C1QTNF3: variants seen among roughly 807,000 people sequenced by gnomAD.
C1QTNF3 encodes complement C1q tumor necrosis factor-related protein 3.
In C1QTNF3, 26 loss-of-function variants were observed where a neutral mutation model predicts 32.6. The ratio of observed to expected loss-of-function variants is 0.80; its 90% CI spans 0.58 to 1.11. The LOEUF (loss-of-function observed/expected upper bound fraction) is 1.11. C1QTNF3 is among the 50% of genes least tolerant of loss of function. The pLI is 0.00. For missense variants in C1QTNF3, 362 were observed against 398.2 expected, an observed-to-expected ratio of 0.91 and a Z score of 0.77; for synonymous variants, 155 against 146.0, an observed-to-expected ratio of 1.06 and a Z score of -0.44.
At chr5:34,225,884 A>G in the C1QTNF3 span, among the ~76,000 whole-genome samples, 1 of 151,860 alleles carries the variant, frequency 6.6e-6, no homozygotes, top group Non-Finnish European at 1.5e-5. Context: ...TTGTTGATTT[A>G]ATATGCTCAT....
chr5:34,024,612 G>C (rs910601627), intron 4 of C1QTNF3, among the ~76,000 whole-genome samples: 1 of 152,176 alleles, frequency 6.6e-6, no homozygotes, highest in African/African-American at 2.4e-5. Context: ...CTCAGCAACA[G>C]GACCTTGTCA....
At chr5:34,029,492 G>T (rs1754558851) in intron 3 of C1QTNF3, among the ~76,000 whole-genome samples, 1 of 152,038 alleles carries the variant, frequency 6.6e-6, no homozygotes, top group South Asian at 2.1e-4. Context: ...AATTCTTGAT[G>T]CTGATCTAAA....
At chr5:34,138,039 A>T in the C1QTNF3 span, among the ~76,000 whole-genome samples, 1 of 152,216 alleles carries the variant, frequency 6.6e-6, no homozygotes, top group Non-Finnish European at 1.5e-5. Flanking sequence ...ACACCAGACA[A>T]ATGCACACAC....
chr5:34,241,809 T>C, the C1QTNF3 span, among the ~76,000 whole-genome samples: 1 of 151,994 alleles, frequency 6.6e-6, no homozygotes, highest in East Asian at 1.9e-4. Flanking sequence ...CCCTGACGGC[T>C]TGAGGCCAGG....
the C1QTNF3 span, among the ~76,000 whole-genome samples, chr5:34,132,351 C>G: frequency 6.6e-6 from 1 of 151,624 alleles, no homozygotes; most frequent in Non-Finnish European, 1.5e-5. Flanking sequence ...TGCCACTGCA[C>G]TCCAGCCTGG....
At chr5:34,172,962 AT>A in the C1QTNF3 span, among the ~76,000 whole-genome samples, 1 of 152,156 alleles carries the variant, frequency 6.6e-6, no homozygotes, top group Non-Finnish European at 1.5e-5. Flanking sequence ...CTTCTGTAGG[AT>A]AGATTCTTTT....
At chr5:34,236,400 A>G in the C1QTNF3 span, among the ~76,000 whole-genome samples, 1 of 148,242 alleles carries the variant, frequency 6.7e-6, no homozygotes, top group African/African-American at 2.4e-5. Context: ...CAAAAAAAAA[A>G]GAAGAAGAAA....
the C1QTNF3 span, among the ~76,000 whole-genome samples, chr5:34,056,137 A>C: frequency 6.6e-6 from 1 of 152,254 alleles, no homozygotes; most frequent in South Asian, 2.1e-4. Context: ...TTCGCAGAAA[A>C]GGTCCTCTGC....
At position 34,020,448 on chromosome 5, in the gene C1QTNF3, T is replaced by C; in HGVS notation, c.*135A>G. On this transcript the variant is annotated 3_prime_UTR_variant, in exon 6 of 6. Transcript: ENST00000382065. ...TTGTCCAACATTATTGGTGTACCTG[T>C]AGCGTGAACAACATTGCAACCAATA... The C allele has an allele frequency of 3.0e-6, 3 of 1,014,970 alleles. No homozygotes were observed. The South Asian group carries it at 4.6e-5, about 16-fold the overall frequency. The allele number at this position is 1,014,970 out of a possible 1,614,324, so 62.9% of individuals were successfully genotyped here.
At chr5:34,159,533 A>G in the C1QTNF3 span, among the ~76,000 whole-genome samples, 3 of 152,262 alleles carry the variant, frequency 2.0e-5, no homozygotes, top group Non-Finnish European at 4.4e-5. Context: ...GGCAAAAGAA[A>G]GATGCACAGG....
chr5:34,170,863 AT>A, the C1QTNF3 span, among the ~76,000 whole-genome samples: 2 of 152,028 alleles, frequency 1.3e-5, 1 homozygote, highest in South Asian at 4.2e-4. Flanking sequence ...ATCTTAGAAT[AT>A]TTTCTCACTT....
chr5:34,239,027 CA>C, the C1QTNF3 span, among the ~76,000 whole-genome samples: 2 of 152,136 alleles, frequency 1.3e-5, no homozygotes, highest in African/African-American at 4.8e-5. Flanking sequence ...GCAAGAATTT[CA>C]TATTTCACTA....
the C1QTNF3 span, among the ~76,000 whole-genome samples, chr5:34,174,149 C>T: frequency 3.9e-5 from 6 of 152,196 alleles, no homozygotes; most frequent in East Asian, 1.9e-4. Flanking sequence ...CCTCCGCCTC[C>T]GAGGTTTAAG....
At chr5:34,223,881 T>C in the C1QTNF3 span, among the ~76,000 whole-genome samples, 2 of 152,156 alleles carry the variant, frequency 1.3e-5, no homozygotes, top group African/African-American at 4.8e-5. Context: ...GCAGATGACA[T>C]GATTGTATAT....
the C1QTNF3 span, among the ~76,000 whole-genome samples, chr5:34,069,956 A>G: frequency 6.6e-6 from 1 of 152,198 alleles, no homozygotes; most frequent in Non-Finnish European, 1.5e-5. Flanking sequence ...AAGTAATATA[A>G]TTTCTCTATC....
At chr5:34,049,002 C>T in the C1QTNF3 span, among the ~76,000 whole-genome samples, 991 of 152,262 alleles carry the variant, frequency 6.5e-3, 13 homozygotes, top group African/African-American at 0.023. Context: ...CTTTCCTAAT[C>T]GTTTCTTTCT....
chr5:34,178,009 G>C, the C1QTNF3 span, among the ~76,000 whole-genome samples: 3 of 148,794 alleles, frequency 2.0e-5, no homozygotes, highest in Non-Finnish European at 3.0e-5. Flanking sequence ...GCTCATGCCT[G>C]TAATTCCAGC....
At chr5:34,208,149 A>T in the C1QTNF3 span, among the ~76,000 whole-genome samples, 3 of 152,218 alleles carry the variant, frequency 2.0e-5, no homozygotes, top group African/African-American at 7.2e-5. Flanking sequence ...TGCAGTGTCC[A>T]TAATTTCTTT....
the C1QTNF3 span, among the ~76,000 whole-genome samples, chr5:34,125,358 A>G: frequency 8.6e-5 from 13 of 151,976 alleles, no homozygotes; most frequent in African/African-American, 3.1e-4. Context: ...GGTAACTTCT[A>G]TTTTTTAGTA....
Sources: gnomAD v4.1 joint callset for allele counts (sites outside exome capture counted in the v4.1 genomes callset) on GRCh38, gnomAD v4.1.1 for gene constraint, MANE v1.5 for transcripts, NCBI Gene and HGNC (gene_info 2026-07-23, HGNC 2026-07-21) for gene names.